The following ARHGAP6 variants were observed in gnomAD, a reference collection of about 807,000 sequenced individuals.
ARHGAP6 encodes rho GTPase-activating protein 6.
A neutral mutation model predicts 55.7 loss-of-function variants in ARHGAP6; 16 were observed. That is an observed-to-expected ratio of 0.29 (90% confidence interval 0.19 to 0.44). The LOEUF is 0.44. Among genes scored for constraint, ARHGAP6 ranks in the 20% least tolerant of loss-of-function variants. The pLI, the probability that ARHGAP6 is intolerant of heterozygous loss-of-function variation, is 1.00. For synonymous variants in ARHGAP6, 382 were observed against 360.9 expected (o/e 1.06, Z -0.66); for missense variants, 698 against 808.9 (o/e 0.86, Z 1.66).
intron 9 of ARHGAP6, among the ~76,000 whole-genome samples, chrX:11,165,170 G>T (rs1042845055): frequency 4.2e-4 from 47 of 111,134 alleles, no homozygotes; most frequent in South Asian, 7.9e-4. Flanking sequence ...TAGTAATACA[G>T]AATTGCAATA....
intron 1 of ARHGAP6, among the ~76,000 whole-genome samples, chrX:11,627,005 C>T (rs1379370467): frequency 9.0e-6 from 1 of 111,462 alleles, no homozygotes; most frequent in African/African-American, 3.2e-5. Flanking sequence ...AACATTCAAT[C>T]AATGCCCTTG....
intron 1 of ARHGAP6, among the ~76,000 whole-genome samples, chrX:11,497,309 A>G (rs972974482): frequency 3.6e-5 from 4 of 112,216 alleles, no homozygotes; most frequent in Non-Finnish European, 7.5e-5. Context: ...ATAAATAACT[A>G]TAGCCCTATT....
intron 1 of ARHGAP6, among the ~76,000 whole-genome samples, chrX:11,323,003 A>G (rs2048452744): frequency 8.9e-6 from 1 of 112,437 alleles, no homozygotes; most frequent in South Asian, 3.7e-4. Flanking sequence ...TGCTAAGCAT[A>G]GTATACCCTG....
chrX:11,569,031 T>C (rs1026817830), intron 1 of ARHGAP6, among the ~76,000 whole-genome samples: 19 of 111,875 alleles, frequency 1.7e-4, no homozygotes, highest in African/African-American at 5.5e-4. Context: ...AATTAATGAA[T>C]TGTTTTGTAC....
At chrX:11,284,181 A>T (rs2047893891) in intron 1 of ARHGAP6, among the ~76,000 whole-genome samples, 1 of 111,646 alleles carries the variant, frequency 9.0e-6, no homozygotes, top group African/African-American at 3.3e-5. Context: ...TTAAGCATTA[A>T]AGTTCATCAG....
At chrX:11,622,248 T>C (rs2052239036) in intron 1 of ARHGAP6, among the ~76,000 whole-genome samples, 1 of 111,948 alleles carries the variant, frequency 8.9e-6, no homozygotes, top group Non-Finnish European at 1.9e-5. Context: ...TGTAAGCTGC[T>C]TCACTCTCAG....
At chrX:11,142,409 T>G (rs1182563539) in intron 11 of ARHGAP6, 96 bp from the exon 12 acceptor site, 1 of 526,063 alleles carries the variant, frequency 1.9e-6, no homozygotes, top group Non-Finnish European at 3.0e-6. Flanking sequence ...AAGTATTGTA[T>G]TCAAGATCCT....
At chrX:11,288,383 TC>T (rs2047947317) in intron 1 of ARHGAP6, among the ~76,000 whole-genome samples, 1 of 112,537 alleles carries the variant, frequency 8.9e-6, no homozygotes, top group South Asian at 3.7e-4. Context: ...ACACTATTGT[TC>T]TGTACCATTA....
At chrX:11,573,845 A>C (rs1229068209) in intron 1 of ARHGAP6, among the ~76,000 whole-genome samples, 1 of 111,340 alleles carries the variant, frequency 9.0e-6, no homozygotes, top group East Asian at 2.8e-4. Context: ...ATTTCTTCGT[A>C]TCCTCTTTTA....
rs1491490526 is a variant in ARHGAP6 at position 11,177,379 on chromosome X, G to GT, written c.1629+720_1629+721insA. On this transcript the variant is annotated intron_variant, in intron 8 of 12. Coordinates refer to ENST00000337414, the MANE Select transcript of ARHGAP6 (RefSeq NM_013427.3). ...TCTTAGATTTGGTGGGCGGGGGGGG[G>GT]GCACACTGGGGCCTGAGTGGGGATC... 7.5e-5 allele frequency among the ~76,000 whole-genome samples: 7 copies of GT among 93,405 alleles called. 1 individual carries two copies. The highest frequency in any genetic ancestry group is 7.2e-4 in the Admixed American group (6 of 8,302). 81.1% of individuals were successfully genotyped at this position (93,405 alleles called of 115,157 possible).
chrX:11,403,731 T>C (rs761288775), intron 1 of ARHGAP6, among the ~76,000 whole-genome samples: 1 of 112,218 alleles, frequency 8.9e-6, no homozygotes, highest in East Asian at 2.8e-4. Context: ...TATCTCAAAA[T>C]GTTAACTTCA....
chrX:11,435,043 C>T (rs1205968773), intron 1 of ARHGAP6, among the ~76,000 whole-genome samples: 2 of 111,885 alleles, frequency 1.8e-5, no homozygotes, highest in Non-Finnish European at 3.8e-5. Flanking sequence ...CCTTAGGGTG[C>T]ATTTGACAAT....
At chrX:11,281,115 A>G (rs983612337) in intron 1 of ARHGAP6, among the ~76,000 whole-genome samples, 3 of 112,213 alleles carry the variant, frequency 2.7e-5, no homozygotes, top group Non-Finnish European at 5.6e-5. Context: ...CACCTACAAC[A>G]ATACAGATGA....
chrX:11,190,462 T>G (rs2046439903), intron 3 of ARHGAP6, among the ~76,000 whole-genome samples: 1 of 64,619 alleles, frequency 1.5e-5, no homozygotes, highest in East Asian at 3.1e-4. Flanking sequence ...CCTGAGGAGA[T>G]ATATATATAT....
intron 1 of ARHGAP6, among the ~76,000 whole-genome samples, chrX:11,467,838 G>T (rs2050308767): frequency 1.8e-5 from 2 of 110,379 alleles, no homozygotes; most frequent in South Asian, 7.8e-4. Context: ...AAATTCGCCA[G>T]GCTTGGTAGC....
intron 1 of ARHGAP6, among the ~76,000 whole-genome samples, chrX:11,403,288 A>C (rs2049572289): frequency 9.0e-6 from 1 of 111,522 alleles, no homozygotes; most frequent in African/African-American, 3.3e-5. Context: ...GAGTCAAATC[A>C]GTCATCTTTT....
At chrX:11,147,012 C>G (rs1302803056) in intron 10 of ARHGAP6, among the ~76,000 whole-genome samples, 1 of 111,346 alleles carries the variant, frequency 9.0e-6, no homozygotes, top group Non-Finnish European at 1.9e-5. Context: ...CTCCTCAGAA[C>G]TCTCATAACA....
intron 1 of ARHGAP6, among the ~76,000 whole-genome samples, chrX:11,345,968 A>AT (rs72082446): frequency 0.039 from 4,027 of 104,136 alleles, 201 homozygotes; most frequent in African/African-American, 0.13. Flanking sequence ...TTTTAGGCAC[A>AT]TTTTTTTTTT....
chrX:11,177,354 T>A, intron 8 of ARHGAP6, among the ~76,000 whole-genome samples: 1 of 78,599 alleles, frequency 1.3e-5, no homozygotes. Context: ...GAACCCAAGA[T>A]CTTAGATTTG....
Sources: gnomAD v4.1 joint callset for allele counts (sites outside exome capture counted in the v4.1 genomes callset) on GRCh38, gnomAD v4.1.1 for gene constraint, MANE v1.5 for transcripts, NCBI Gene and HGNC (gene_info 2026-07-23, HGNC 2026-07-21) for gene names.